Variants in CDH22 observed in about 807,000 individuals in gnomAD.
CDH22 encodes cadherin 22.
Under a neutral mutation model 58.4 loss-of-function variants are expected in CDH22, and 30 were observed. The ratio of observed to expected loss-of-function variants is 0.51; its 90% CI spans 0.38 to 0.70. CDH22 has a LOEUF of 0.70. CDH22 is among the 30% of genes least tolerant of loss of function. CDH22 has a pLI of 0.00. For synonymous variants in CDH22, 513 were observed against 558.2 expected (o/e 0.92, Z 1.14); for missense variants, 1,014 against 1,233.9 (o/e 0.82, Z 2.67).
At chr20:46,221,212 C>T (rs183433204) in intron 4 of CDH22, among the ~76,000 whole-genome samples, 93 of 152,024 alleles carry the variant, frequency 6.1e-4, no homozygotes, top group African/African-American at 2.1e-3. Context: ...GCCAAGCTGA[C>T]ACACCAAATT....
At chr20:46,198,826 A>C (rs985264202) in intron 8 of CDH22, among the ~76,000 whole-genome samples, 5 of 152,032 alleles carry the variant, frequency 3.3e-5, no homozygotes, top group African/African-American at 9.7e-5. Context: ...CTTCCTGCAG[A>C]TGTCAGCATG....
At chr20:46,280,172 C>A (rs533420544) in intron 1 of CDH22, among the ~76,000 whole-genome samples, 91 of 152,282 alleles carry the variant, frequency 6.0e-4, no homozygotes, top group African/African-American at 2.1e-3. Flanking sequence ...GTAATCCCAG[C>A]ACATTGAGAG....
At chr20:46,196,381 C>T (rs914756203) in intron 8 of CDH22, among the ~76,000 whole-genome samples, 1 of 152,040 alleles carries the variant, frequency 6.6e-6, no homozygotes, top group Non-Finnish European at 1.5e-5. Context: ...TCAAGCGATT[C>T]TCGTGCCTTA....
chr20:46,263,264 G>T (rs895454313), intron 1 of CDH22, among the ~76,000 whole-genome samples: 2 of 152,186 alleles, frequency 1.3e-5, no homozygotes, highest in African/African-American at 4.8e-5. Context: ...GGTTACTGCT[G>T]TACCCCATCC....
At chr20:46,289,158 T>C (rs1315691644) in intron 1 of CDH22, among the ~76,000 whole-genome samples, 1 of 152,206 alleles carries the variant, frequency 6.6e-6, no homozygotes, top group Admixed American at 6.5e-5. Context: ...TTGCTGGTCC[T>C]CTTGCCTGGA....
chr20:46,241,239 C>A lies in CDH22; in HGVS notation c.274G>T (p.Glu92Ter). The A allele has an allele frequency of 6.2e-7, 1 of 1,606,196 alleles. No individual in the cohort carries two copies. Among genetic ancestry groups the A allele is most frequent in the Non-Finnish European group, 8.5e-7 (1 of 1,174,688 alleles). ...YVGKIHSDSD[E>*]GDGAIKYTIS... ...GTGTACTTGATGGCCCCGTCACCCT[C>A]GTCTGAGTCGGAGTGGATCTGGGTA... The change falls in exon 3 of 12, where the codon GAG becomes TAG. Residue 92 changes from glutamate to a stop codon, truncating the protein, a stop_gained. Coordinates refer to ENST00000537909, the MANE Select transcript of CDH22 (RefSeq NM_021248.3). LOFTEE classifies it high-confidence loss of function. This position sits in a 1 kb window ranked among gnomAD's most constrained non-coding sequence, Gnocchi z 5.2.
At position 46,174,392 on chromosome 20, in the gene CDH22, A is replaced by C. The variant is rs963479780; in HGVS notation, c.*114T>G. 6 of 699,176 alleles carry C rather than the reference A, an allele frequency of 8.6e-6. No homozygotes were observed. Among genetic ancestry groups the C allele is most frequent in the African/African-American group, 7.7e-5 (4 of 51,992 alleles). The allele number at this position is 699,176 out of a possible 1,614,324, so 43.3% of individuals were successfully genotyped here. A position where few individuals can be genotyped will look rare whatever the true frequency, so the allele number is the denominator to read the frequency against. On this transcript the variant is annotated 3_prime_UTR_variant, in exon 12 of 12. Transcript: ENST00000537909. The surrounding 1 kb of genome is among the most constrained non-coding windows in gnomAD (Gnocchi z 4.4). ...CAAGTCCCCCCTCCGTCCAGCCGCC[A>C]AGGGAGGGTTGGGGGAGGGCAGGAA...
intron 1 of CDH22, among the ~76,000 whole-genome samples, chr20:46,303,131 C>T (rs796569601): frequency 2.6e-5 from 4 of 152,244 alleles, no homozygotes; most frequent in African/African-American, 4.8e-5. Flanking sequence ...CGGGACCTGG[C>T]TGCTGCCCAC....
chr20:46,250,972 T>G, intron 2 of CDH22, 68 bp downstream of exon 2: 1 of 938,150 alleles, frequency 1.1e-6, no homozygotes, highest in Non-Finnish European at 1.7e-6. Flanking sequence ...GAACAAGGGT[T>G]TCTTGTATCT....
At chr20:46,307,848 C>A (rs1014391674) in intron 1 of CDH22, among the ~76,000 whole-genome samples, 12 of 151,998 alleles carry the variant, frequency 7.9e-5, no homozygotes, top group Middle Eastern at 3.2e-3. Context: ...ACGCCTGGGT[C>A]CCAGCCCTCG....
In CDH22 at chr20:46,300,492, G is replaced by A. The variant is rs1047826809; in HGVS notation, c.-400+7763C>T. ...CTGCCCATCACACACACAAGCGCGC[G>A]TGTGCGTGCGCGTGCACACACACAT... On this transcript the variant is annotated intron_variant, in intron 1 of 11. Coordinates refer to ENST00000537909, the MANE Select transcript of CDH22 (RefSeq NM_021248.3). This position sits in a 1 kb window ranked among gnomAD's most constrained non-coding sequence, Gnocchi z 4.4. Among the ~76,000 whole-genome samples, 2 of 152,084 alleles carry A rather than the reference G, an allele frequency of 1.3e-5. No individual in the cohort carries two copies. The highest frequency in any genetic ancestry group is 4.8e-5 in the African/African-American group (2 of 41,418).
At chr20:46,200,165 G>A (rs1443576241) in intron 7 of CDH22, among the ~76,000 whole-genome samples, 3 of 151,212 alleles carry the variant, frequency 2.0e-5, no homozygotes, top group East Asian at 3.9e-4. Flanking sequence ...CAGTAGAGAC[G>A]GGGTTTCACC....
In CDH22 at chr20:46,210,847, A is replaced by G. The variant is rs2086038314; in HGVS notation, c.1033-287T>C. Among the ~76,000 whole-genome samples the G allele has an allele frequency of 6.6e-6, 1 of 152,214 alleles. No homozygotes were observed. Among genetic ancestry groups the G allele is most frequent in the East Asian group, 1.9e-4 (1 of 5,198 alleles). ...CTTCCCAGCGCAGTGTTGGCGGCAT[A>G]TTTCATTAGTTTAGTTCACGAACAC... On this transcript the variant is annotated intron_variant, in intron 6 of 11. Coordinates refer to ENST00000537909, the MANE Select transcript of CDH22 (RefSeq NM_021248.3). The surrounding 1 kb of genome is among the most constrained non-coding windows in gnomAD (Gnocchi z 4.5).
intron 4 of CDH22, among the ~76,000 whole-genome samples, chr20:46,223,727 C>CTTCTTTCTTTCTCTT (rs144964967): frequency 8.9e-6 from 1 of 111,856 alleles, no homozygotes; most frequent in East Asian, 2.5e-4. Flanking sequence ...TTCTTTCTTT[C>CTTCTTTCTTTCTCTT]TCTTTCTTTC....
intron 8 of CDH22, among the ~76,000 whole-genome samples, chr20:46,188,946 T>G (rs1418811934): frequency 6.6e-6 from 1 of 151,970 alleles, no homozygotes; most frequent in East Asian, 1.9e-4. Context: ...AGGGGCAGCC[T>G]GAAAGCTTCC....
At chr20:46,277,671 C>A (rs1482592268) in intron 1 of CDH22, among the ~76,000 whole-genome samples, 1 of 151,788 alleles carries the variant, frequency 6.6e-6, no homozygotes, top group Non-Finnish European at 1.5e-5. Flanking sequence ...GGGCCCGCCC[C>A]CCACTGGTCC....
chr20:46,292,349 C>T (rs2145777734), intron 1 of CDH22, among the ~76,000 whole-genome samples: 1 of 152,344 alleles, frequency 6.6e-6, no homozygotes, highest in African/African-American at 2.4e-5. Flanking sequence ...GTTCGCTCTG[C>T]TCCTAGCTGT....
chr20:46,277,308 A>G (rs2086523349), intron 1 of CDH22, among the ~76,000 whole-genome samples: 1 of 152,176 alleles, frequency 6.6e-6, no homozygotes, highest in Admixed American at 6.5e-5. Flanking sequence ...ATTAGAAGAT[A>G]GTGTTGGCAG....
chr20:46,304,001 C>A (rs961817359), intron 1 of CDH22, among the ~76,000 whole-genome samples: 1 of 151,880 alleles, frequency 6.6e-6, no homozygotes, highest in Non-Finnish European at 1.5e-5. Context: ...GAAGGGATCG[C>A]GAGATGGATG....
Sources: gnomAD v4.1 joint callset for allele counts (sites outside exome capture counted in the v4.1 genomes callset) on GRCh38, gnomAD v4.1.1 for gene constraint, Gnocchi (gnomAD v3.1) non-coding constraint, MANE v1.5 for transcripts, NCBI Gene and HGNC (gene_info 2026-07-23, HGNC 2026-07-21) for gene names.